Variants in GHR observed in about 807,000 individuals in gnomAD.
GHR encodes GH receptor.
GHR carries 35 observed loss-of-function variants against 67.1 expected under a neutral mutation model. That is an observed-to-expected ratio of 0.52 (90% CI 0.40 to 0.69). GHR has a LOEUF of 0.69. Ranked by LOEUF, GHR falls within the 30% of genes least tolerant of loss-of-function variation. GHR has a pLI of 0.00. For synonymous variants in GHR, 272 were observed against 269.1 expected, an observed-to-expected ratio of 1.01 and a Z score of -0.10; for missense variants, 792 against 764.6, an observed-to-expected ratio of 1.04 and a Z score of -0.42.
At chr5:42,593,292 AT>A (rs1261214676) in intron 2 of GHR, among the ~76,000 whole-genome samples, 9 of 152,192 alleles carry the variant, frequency 5.9e-5, no homozygotes, top group Non-Finnish European at 1.3e-4. Context: ...TGCTTGTTTA[AT>A]GAGTAGATTT....
chr5:42,626,992 T>C (rs1371493725), intron 2 of GHR, among the ~76,000 whole-genome samples: 1 of 152,122 alleles, frequency 6.6e-6, no homozygotes. Flanking sequence ...CAAGGTAGAG[T>C]GACACTACAT....
chr5:42,506,297 T>TA, intron 1 of GHR, among the ~76,000 whole-genome samples: 1 of 152,216 alleles, frequency 6.6e-6, no homozygotes, highest in South Asian at 2.1e-4. Context: ...TGGACCCTCT[T>TA]ATGATTTAAT....
At chr5:42,563,794 T>C (rs1246019145) in intron 1 of GHR, among the ~76,000 whole-genome samples, 1 of 151,832 alleles carries the variant, frequency 6.6e-6, no homozygotes. Context: ...GGCAACAGAG[T>C]GAAACAAAAA....
intron 3 of GHR, among the ~76,000 whole-genome samples, chr5:42,663,649 G>A (rs1398193787): frequency 6.6e-6 from 1 of 152,112 alleles, no homozygotes; most frequent in African/African-American, 2.4e-5. Context: ...TACTGAATGG[G>A]CAAAAACTGG....
intron 1 of GHR, among the ~76,000 whole-genome samples, chr5:42,483,572 G>A (rs1426033634): frequency 6.6e-6 from 1 of 151,476 alleles, no homozygotes; most frequent in African/African-American, 2.4e-5. Flanking sequence ...AATTATTATT[G>A]AGGAATAGGG....
At chr5:42,536,296 G>T (rs1748254527) in intron 1 of GHR, among the ~76,000 whole-genome samples, 1 of 152,112 alleles carries the variant, frequency 6.6e-6, no homozygotes, top group Non-Finnish European at 1.5e-5. Flanking sequence ...TGTTGGTTGT[G>T]GGTTTGTCAT....
intron 2 of GHR, among the ~76,000 whole-genome samples, chr5:42,615,241 G>A (rs1283078985): frequency 6.6e-6 from 1 of 151,834 alleles, no homozygotes; most frequent in Non-Finnish European, 1.5e-5. Context: ...GAAAAAATAA[G>A]GATTTTTTTT....
intron 6 of GHR, among the ~76,000 whole-genome samples, chr5:42,703,374 A>G (rs1343336034): frequency 1.3e-5 from 2 of 151,880 alleles, no homozygotes; most frequent in Non-Finnish European, 2.9e-5. Flanking sequence ...AAATGTGTGG[A>G]TTTATTTCCG....
At chr5:42,444,417 G>T (rs753647652) in intron 1 of GHR, among the ~76,000 whole-genome samples, 16 of 152,280 alleles carry the variant, frequency 1.1e-4, no homozygotes, top group Non-Finnish European at 1.3e-4. Flanking sequence ...TTAACCAGAA[G>T]ACTCATAACT....
intron 2 of GHR, among the ~76,000 whole-genome samples, chr5:42,604,484 A>G (rs1752526330): frequency 6.6e-6 from 1 of 152,192 alleles, no homozygotes; most frequent in South Asian, 2.1e-4. Context: ...GAATTTCTTT[A>G]TGGCCAGAGG....
intron 4 of GHR, among the ~76,000 whole-genome samples, chr5:42,690,896 G>A (rs549040682): frequency 1.3e-5 from 2 of 152,264 alleles, no homozygotes; most frequent in South Asian, 2.1e-4. Flanking sequence ...TATTTGTACA[G>A]GCACAATTAG....
intron 3 of GHR, among the ~76,000 whole-genome samples, chr5:42,657,094 T>C (rs916960898): frequency 1.3e-5 from 2 of 152,072 alleles, no homozygotes; most frequent in African/African-American, 4.8e-5. Flanking sequence ...ATTTGGAAAC[T>C]GGGTAGGGGC....
intron 1 of GHR, among the ~76,000 whole-genome samples, chr5:42,525,578 C>A (rs1293960264): frequency 1.3e-5 from 2 of 152,078 alleles, no homozygotes; most frequent in Non-Finnish European, 2.9e-5. Context: ...TGGGGGACTG[C>A]TGAGAAGGCA....
intron 1 of GHR, among the ~76,000 whole-genome samples, chr5:42,455,645 G>A (rs1744229404): frequency 6.6e-6 from 1 of 152,178 alleles, no homozygotes; most frequent in African/African-American, 2.4e-5. Flanking sequence ...TCTGAAGCAG[G>A]AGTGGCAAGT....
chr5:42,429,982 A>C (rs540437470), intron 1 of GHR, among the ~76,000 whole-genome samples: 19 of 152,338 alleles, frequency 1.2e-4, no homozygotes, highest in Admixed American at 1.3e-4. Context: ...TTCCTTGGGC[A>C]ACTGGGATTT....
At chr5:42,716,273 T>C (rs950279359) in intron 8 of GHR, among the ~76,000 whole-genome samples, 3 of 152,178 alleles carry the variant, frequency 2.0e-5, no homozygotes, top group South Asian at 2.1e-4. Flanking sequence ...GTGCCAACTA[T>C]GAATGCATGA....
chr5:42,679,218 T>G (rs1298583640), intron 3 of GHR, among the ~76,000 whole-genome samples: 1 of 146,572 alleles, frequency 6.8e-6, no homozygotes, highest in Non-Finnish European at 1.5e-5. Context: ...TTATTAATAT[T>G]TTAAATATAT....
chr5:42,429,206 G>T (rs761313081), intron 1 of GHR, among the ~76,000 whole-genome samples: 5 of 152,188 alleles, frequency 3.3e-5, no homozygotes, highest in Non-Finnish European at 7.3e-5. Context: ...TTACATGGTG[G>T]CAGACAATAA....
intron 3 of GHR, among the ~76,000 whole-genome samples, chr5:42,681,935 C>CAAAA (rs11443605): frequency 3.5e-4 from 28 of 79,374 alleles, no homozygotes; most frequent in Admixed American, 4.9e-4. Flanking sequence ...GACTCCGTCT[C>CAAAA]AAAAAAAAAA....
Sources: allele counts gnomAD v4.1 joint callset (sites outside exome capture counted in the v4.1 genomes callset), GRCh38; gene constraint gnomAD v4.1.1; transcripts MANE v1.5; gene names NCBI Gene and HGNC (gene_info 2026-07-23, HGNC 2026-07-21).